CAPSL: variants seen among roughly 807,000 people sequenced by gnomAD.
The protein encoded by CAPSL is calcyphosine like, also known as calcyphosin-like protein.
A neutral mutation model predicts 21.3 loss-of-function variants in CAPSL; 17 were observed. The ratio of observed to expected loss-of-function variants is 0.80; its 90% CI spans 0.55 to 1.20. The LOEUF (loss-of-function observed/expected upper bound fraction) is 1.20, where lower values mean the gene tolerates loss of function less well. CAPSL is among the 50% of genes most tolerant of loss of function. The pLI is 0.00. For synonymous variants in CAPSL, 102 were observed against 89.3 expected, an observed-to-expected ratio of 1.14 and a Z score of -0.80; for missense variants, 289 against 259.3, an observed-to-expected ratio of 1.11 and a Z score of -0.79.
At chr5:35,927,313 C>T (rs1738711088) in intron 1 of CAPSL, among the ~76,000 whole-genome samples, 1 of 152,208 alleles carries the variant, frequency 6.6e-6, no homozygotes, top group African/African-American at 2.4e-5. Context: ...ATAGCCAGAC[C>T]ATGTCATGAT....
intron 1 of CAPSL, among the ~76,000 whole-genome samples, chr5:35,926,476 C>G (rs1018143788): frequency 2.0e-5 from 3 of 147,972 alleles, no homozygotes; most frequent in Middle Eastern, 3.2e-3. Context: ...CTCTCTCCCG[C>G]CTGGATTTTG....
chr5:35,912,593 C>A (rs540768857), intron 2 of CAPSL, among the ~76,000 whole-genome samples: 3 of 152,328 alleles, frequency 2.0e-5, no homozygotes, highest in East Asian at 1.9e-4. Flanking sequence ...GATACCCAGG[C>A]AAACAGGGTC....
At chr5:35,935,617 G>A (rs540824625) in intron 1 of CAPSL, among the ~76,000 whole-genome samples, 1 of 152,222 alleles carries the variant, frequency 6.6e-6, no homozygotes, top group African/African-American at 2.4e-5. Context: ...TTACAGACAT[G>A]AGCCACGGTG....
chr5:35,927,636 G>C (rs1437280859), intron 1 of CAPSL, among the ~76,000 whole-genome samples: 2 of 152,180 alleles, frequency 1.3e-5, no homozygotes, highest in African/African-American at 4.8e-5. Context: ...TAGGGATGGG[G>C]AACTTGATGT....
chr5:35,925,395 G>C (rs1438113038), intron 1 of CAPSL, among the ~76,000 whole-genome samples: 1 of 152,180 alleles, frequency 6.6e-6, no homozygotes, highest in African/African-American at 2.4e-5. Flanking sequence ...GGATATTTTA[G>C]ATAGCAGGTG....
At chr5:35,909,806 A>T (rs1738163502) in intron 4 of CAPSL, 60 bp downstream of exon 4, 1 of 1,366,282 alleles carries the variant, frequency 7.3e-7, no homozygotes, top group Non-Finnish European at 1.0e-6. Flanking sequence ...GTTTGGACCT[A>T]TTTCCCATTT....
At chr5:35,913,562 A>T (rs6878577) in intron 2 of CAPSL, among the ~76,000 whole-genome samples, 65,577 of 151,920 alleles carry the variant, frequency 0.43, 14,836 homozygotes, top group African/African-American at 0.54. Flanking sequence ...TCAACATTCT[A>T]AAAGAAAAGA....
intron 2 of CAPSL, among the ~76,000 whole-genome samples, chr5:35,912,215 G>A (rs976364320): frequency 1.3e-5 from 2 of 152,204 alleles, no homozygotes; most frequent in African/African-American, 4.8e-5. Context: ...CAGCCAGGAA[G>A]CTCAAACTGG....
At chr5:35,905,001 G>A (rs1760644063) in intron 4 of CAPSL, among the ~76,000 whole-genome samples, 1 of 152,162 alleles carries the variant, frequency 6.6e-6, no homozygotes, top group South Asian at 2.1e-4. Flanking sequence ...GTCTTTCTGT[G>A]ACACGTCAGA....
At chr5:35,914,814 G>T (rs1348157744) in intron 2 of CAPSL, among the ~76,000 whole-genome samples, 2 of 152,084 alleles carry the variant, frequency 1.3e-5, no homozygotes, top group Non-Finnish European at 2.9e-5. Flanking sequence ...AGAAGCAAGA[G>T]CAAACATATT....
intron 1 of CAPSL, among the ~76,000 whole-genome samples, chr5:35,931,115 T>C (rs991926890): frequency 1.3e-5 from 2 of 152,242 alleles, no homozygotes; most frequent in East Asian, 3.8e-4. Context: ...ATCTGTTTAA[T>C]CTGTTGTTGG....
intron 2 of CAPSL, among the ~76,000 whole-genome samples, chr5:35,918,336 T>C (rs538804552): frequency 6.6e-6 from 1 of 152,334 alleles, no homozygotes; most frequent in African/African-American, 2.4e-5. Context: ...GAAACCATAA[T>C]TCTTAGCAAA....
intron 1 of CAPSL, among the ~76,000 whole-genome samples, chr5:35,935,110 T>C (rs1738911385): frequency 6.6e-6 from 1 of 152,206 alleles, no homozygotes; most frequent in African/African-American, 2.4e-5. Context: ...TTTGGTTCTG[T>C]CAGTTTATAA....
At chr5:35,926,983 G>T (rs1738701513) in intron 1 of CAPSL, among the ~76,000 whole-genome samples, 1 of 152,216 alleles carries the variant, frequency 6.6e-6, no homozygotes, top group African/African-American at 2.4e-5. Context: ...GTTAGCCTGC[G>T]TTAAAGTGGA....
At position 35,910,528 on chromosome 5, in the gene CAPSL, CA is replaced by C; in HGVS notation, c.152del (p.Met51ArgfsTer15). 3 of 1,605,550 alleles carry C rather than the reference CA, an allele frequency of 1.9e-6. No homozygotes were observed. Among genetic ancestry groups the C allele is most frequent in the Non-Finnish European group, 8.5e-7 (1 of 1,173,862 alleles). On this transcript the variant is annotated frameshift_variant, in exon 3 of 5. Transcript: ENST00000651391. LOFTEE classifies it high-confidence loss of function. ...CAAGGGTTCGATTATTATCGTCATC[CA>C]TAATTCTAAACACTCTGAAGAAAAT... ...IKGLGRVFRI[M>X]DDDNNRTLDF...
intron 1 of CAPSL, among the ~76,000 whole-genome samples, chr5:35,926,857 C>T (rs887688349): frequency 6.6e-6 from 1 of 152,200 alleles, no homozygotes; most frequent in African/African-American, 2.4e-5. Flanking sequence ...AACTCTCCCT[C>T]CTTTGACTTC....
chr5:35,910,426 C>T lies in CAPSL; in HGVS notation c.255G>A (p.Arg85=). The change falls in exon 3 of 5, where the codon CGG becomes CGA. Residue 85 remains arginine, a synonymous_variant. Transcript: ENST00000651391. ...MEKEEVEELF[R]RFDKDGNGTI... ...TTCCATTTCCATCTTTATCAAACCT[C>T]CGGAAAAGTTCTTCCACCTCTTCTT... 1 of 1,613,920 alleles carries T rather than the reference C, an allele frequency of 6.2e-7. No homozygotes were observed. Among genetic ancestry groups the T allele is most frequent in the Non-Finnish European group, 8.5e-7 (1 of 1,179,858 alleles).
At chr5:35,921,141 G>A (rs771111318) in intron 1 of CAPSL, 21 bp from the exon 2 acceptor site, 1 of 1,612,678 alleles carries the variant, frequency 6.2e-7, no homozygotes, top group Admixed American at 1.7e-5. Flanking sequence ...GCCATAGCAT[G>A]TTAGCAAAGT....
chr5:35,921,257 C>T, intron 1 of CAPSL, 137 bp from the exon 2 acceptor site: 4 of 1,039,898 alleles, frequency 3.8e-6, no homozygotes, highest in Non-Finnish European at 5.4e-6. Context: ...TCCAATTTTT[C>T]TCTATGCCAA....
Sources: gnomAD v4.1 joint callset for allele counts (sites outside exome capture counted in the v4.1 genomes callset) on GRCh38, gnomAD v4.1.1 for gene constraint, MANE v1.5 for transcripts, NCBI Gene and HGNC (gene_info 2026-07-23, HGNC 2026-07-21) for gene names.